Variants in CPLANE1 observed in about 807,000 individuals in gnomAD.
CPLANE1 encodes the protein ciliogenesis and planar polarity effector complex subunit 1.
CPLANE1 carries 263 observed loss-of-function variants against 362.5 expected under a neutral mutation model. That is an observed-to-expected ratio of 0.73 (90% CI 0.66 to 0.80). The LOEUF is 0.80. CPLANE1 is among the 30% of genes least tolerant of loss of function. The pLI is 0.00. For synonymous variants in CPLANE1, 1,212 were observed against 1,302.6 expected, an observed-to-expected ratio of 0.93 and a Z score of 1.50; for missense variants, 3,461 against 3,793.4, an observed-to-expected ratio of 0.91 and a Z score of 2.30.
At chr5:37,173,272 A>G (rs1238987091) in intron 32 of CPLANE1, among the ~76,000 whole-genome samples, 1 of 152,214 alleles carries the variant, frequency 6.6e-6, no homozygotes, top group East Asian at 1.9e-4. Context: ...GATAAGAAAT[A>G]TGTGATAGTG....
In CPLANE1 at chr5:37,114,970, G is replaced by A; in HGVS notation, c.9390C>T (p.Thr3130=). The change falls in exon 51 of 53, where the codon ACC becomes ACT. Residue 3130 remains threonine (T), a synonymous_variant. Coordinates refer to ENST00000651892, the MANE Select transcript of CPLANE1 (RefSeq NM_001384732.1). ...TTCTTTATCCCTTACCTTTTTGGAA[G>A]GTAACTGGAGACTGCGTAGCCTTTC... ...AVRKATQSPV[T]FQKGSNAPCH... The A allele has an allele frequency of 1.9e-6, 3 of 1,602,580 alleles. No homozygotes were observed. Among genetic ancestry groups the A allele is most frequent in the Non-Finnish European group, 2.6e-6 (3 of 1,171,626 alleles).
chr5:37,151,777 A>G (rs1353181846), intron 42 of CPLANE1, among the ~76,000 whole-genome samples: 1 of 152,100 alleles, frequency 6.6e-6, no homozygotes, highest in Non-Finnish European at 1.5e-5. Flanking sequence ...GGCCAGGTGC[A>G]GTGGCTCACA....
At chr5:37,145,570 A>G (rs1428796994) in intron 43 of CPLANE1, among the ~76,000 whole-genome samples, 1 of 152,196 alleles carries the variant, frequency 6.6e-6, no homozygotes, top group East Asian at 1.9e-4. Flanking sequence ...AGCTGGGACT[A>G]CAGGTATGCA....
chr5:37,213,469 A>G, intron 16 of CPLANE1, 90 bp downstream of exon 16: 1 of 812,794 alleles, frequency 1.2e-6, no homozygotes, highest in Non-Finnish European at 1.8e-6. Flanking sequence ...GAACAGTATC[A>G]TTGAGTAATG....
intron 44 of CPLANE1, 150 bp downstream of exon 44, chr5:37,142,160 C>T (rs767191135): frequency 8.1e-5 from 102 of 1,259,164 alleles, no homozygotes; most frequent in Non-Finnish European, 1.0e-4. Context: ...CTTCATGTGA[C>T]TAGCAAAAGT....
At chr5:37,161,350 A>G (rs1561450498) in intron 38 of CPLANE1, among the ~76,000 whole-genome samples, 1 of 152,194 alleles carries the variant, frequency 6.6e-6, no homozygotes, top group Non-Finnish European at 1.5e-5. Context: ...AATTTTCCCA[A>G]ACATCATTAA....
chr5:37,104,339 T>C (rs545791467), downstream of CPLANE1, among the ~76,000 whole-genome samples: 106 of 152,324 alleles, frequency 7.0e-4, no homozygotes, highest in African/African-American at 2.5e-3. Context: ...GGCTCATGCC[T>C]GTAATCCCAG....
At chr5:37,226,254 T>TAA (rs940877444) in intron 12 of CPLANE1, 50 bp downstream of exon 12, 1 of 1,261,650 alleles carries the variant, frequency 7.9e-7, no homozygotes, top group Non-Finnish European at 1.1e-6. Context: ...TCTAAAAAAG[T>TAA]AAAAAAAACT....
intron 42 of CPLANE1, among the ~76,000 whole-genome samples, chr5:37,151,515 C>T (rs1773552720): frequency 2.0e-5 from 3 of 152,124 alleles, no homozygotes; most frequent in Non-Finnish European, 2.9e-5. Flanking sequence ...GCCTAATAGG[C>T]AGTAGTTGCT....
chr5:37,230,795 G>T (rs1459702714), intron 9 of CPLANE1, 72 bp downstream of exon 9: 5 of 1,076,198 alleles, frequency 4.6e-6, no homozygotes, highest in Middle Eastern at 2.8e-4. Context: ...AATTTTTTTT[G>T]AATACACAGT....
Position 37,138,812 on chromosome 5 carries a change from A to G in CPLANE1, c.8700T>C (p.Thr2900=). 5 of 1,611,536 alleles carry G rather than the reference A, an allele frequency of 3.1e-6. No homozygotes were observed. Among genetic ancestry groups the G allele is most frequent in the Non-Finnish European group, 4.2e-6 (5 of 1,179,198 alleles). ...SVHPLQMTGL[T]DIADIIDDLI... ...GGTCATCAATAATGTCTGCAATATC[A>G]GTCAATCCAGTCATCTGGAGCGGAT... is the stretch of plus-strand genomic sequence containing the variant. Residue 2900 remains threonine (T), a synonymous_variant, in exon 46 of 53, where the codon ACT becomes ACC. Transcript: ENST00000651892.
At chr5:37,197,786 T>C (rs1268066393) in intron 20 of CPLANE1, among the ~76,000 whole-genome samples, 1 of 152,148 alleles carries the variant, frequency 6.6e-6, no homozygotes, top group Non-Finnish European at 1.5e-5. Context: ...TGGTTTTTAG[T>C]ATATTCACAA....
In CPLANE1 at chr5:37,106,508, A is replaced by G. The variant is rs1278909580; in HGVS notation, c.*1094T>C. ...CCATAGAATATACAAAAAAGAAACT[A>G]ACAGAAAACAATTTAAAATATTTTA... On this transcript the variant is annotated 3_prime_UTR_variant, in exon 53 of 53. Coordinates refer to ENST00000651892, the MANE Select transcript of CPLANE1 (RefSeq NM_001384732.1). The G allele has an allele frequency of 2.5e-6, 1 of 396,744 alleles. No homozygotes were observed. The highest frequency in any genetic ancestry group is 2.2e-5 in the African/African-American group (1 of 46,406). The allele number at this position is 396,744 out of a possible 1,614,324, so 24.6% of individuals were successfully genotyped here. A position where few individuals can be genotyped will look rare whatever the true frequency, so the allele number is the denominator to read the frequency against.
At chr5:37,235,082 ACTC>A (rs1798655570) in intron 8 of CPLANE1, among the ~76,000 whole-genome samples, 1 of 152,134 alleles carries the variant, frequency 6.6e-6, no homozygotes, top group African/African-American at 2.4e-5. Context: ...AACCCTAAAG[ACTC>A]CACAAAAACT....
chr5:37,165,804 G>A (rs2150872371), intron 35 of CPLANE1, 133 bp from the exon 36 acceptor site: 81 of 781,660 alleles, frequency 1.0e-4, no homozygotes, highest in South Asian at 3.1e-4. Flanking sequence ...TAATTAAATT[G>A]GCAAGATATT....
In CPLANE1 at chr5:37,209,504, G is replaced by T; in HGVS notation, c.2921-3079C>A. The T allele has an allele frequency of 7.8e-7, 1 of 1,276,310 alleles. No individual in the cohort carries two copies. The highest frequency in any genetic ancestry group is 1.1e-6 in the Non-Finnish European group (1 of 873,506). The allele number at this position is 1,276,310 out of a possible 1,614,324, so 79.1% of individuals were successfully genotyped here. A position where few individuals can be genotyped will look rare whatever the true frequency, so the allele number is the denominator to read the frequency against. On this transcript the variant is annotated intron_variant, in intron 16 of 52. Transcript: ENST00000651892. The surrounding 1 kb of genome is among the most constrained non-coding windows in gnomAD (Gnocchi z 4.6). The stretch of plus-strand genomic sequence containing the variant: ...AACTTCGAAACCAGCTAATTCATGA[G>T]TTAATGCACCCTGTATTGAGTGGAG...
At chr5:37,227,866 C>A (rs760442774) in intron 9 of CPLANE1, 49 bp from the exon 10 acceptor site, 12 of 1,456,234 alleles carry the variant, frequency 8.2e-6, no homozygotes, top group South Asian at 2.8e-5. Flanking sequence ...AAAGATCTTA[C>A]GGAAAACAAT....
At chr5:37,152,063 A>G (rs1773708707) in intron 42 of CPLANE1, among the ~76,000 whole-genome samples, 1 of 152,202 alleles carries the variant, frequency 6.6e-6, no homozygotes, top group Admixed American at 6.5e-5. Flanking sequence ...TAATAAATAC[A>G]TTTTTTAAAT....
chr5:37,172,570 A>G (rs1323526529), intron 32 of CPLANE1, among the ~76,000 whole-genome samples: 1 of 152,242 alleles, frequency 6.6e-6, no homozygotes, highest in East Asian at 1.9e-4. Context: ...CAGTGGTGCT[A>G]CTAAACAGAA....
Sources: allele counts gnomAD v4.1 joint callset (sites outside exome capture counted in the v4.1 genomes callset), GRCh38; gene constraint gnomAD v4.1.1; non-coding constraint Gnocchi (gnomAD v3.1); transcripts MANE v1.5; gene names NCBI Gene and HGNC (gene_info 2026-07-23, HGNC 2026-07-21).